The following CALCR variants were observed in gnomAD, a reference collection of about 807,000 sequenced individuals.
CALCR encodes the protein calcitonin receptor.
A neutral mutation model predicts 59.5 loss-of-function variants in CALCR; 47 were observed. The observed-to-expected ratio is 0.79, with a 90% CI of 0.63 to 1.01. CALCR has a LOEUF of 1.01. CALCR is among the 50% of genes least tolerant of loss of function. The probability of loss-of-function intolerance (pLI) is 0.00; values close to 1 mark genes in which losing one functional copy is unlikely to be tolerated. For synonymous variants in CALCR, 213 were observed against 211.3 expected, an observed-to-expected ratio of 1.01 and a Z score of -0.07; for missense variants, 566 against 597.1, an observed-to-expected ratio of 0.95 and a Z score of 0.54.
intron 12 of CALCR, among the ~76,000 whole-genome samples, chr7:93,435,138 C>T (rs2115686380): frequency 6.6e-6 from 1 of 152,156 alleles, no homozygotes; most frequent in East Asian, 1.9e-4. Context: ...ACTGGACAGC[C>T]CAGGACAGCC....
At chr7:93,534,160 C>A (rs1313577673) in intron 2 of CALCR, among the ~76,000 whole-genome samples, 5 of 151,802 alleles carry the variant, frequency 3.3e-5, no homozygotes, top group Non-Finnish European at 7.4e-5. Context: ...GATTTACTAT[C>A]CGTGTATCAA....
At chr7:93,558,196 T>C (rs1291167452) in intron 2 of CALCR, among the ~76,000 whole-genome samples, 1 of 151,138 alleles carries the variant, frequency 6.6e-6, no homozygotes, top group Non-Finnish European at 1.5e-5. Flanking sequence ...CAGAAAACAA[T>C]ATAAAACAAA....
At chr7:93,471,079 C>A (rs1301081245) in intron 6 of CALCR, among the ~76,000 whole-genome samples, 2 of 151,702 alleles carry the variant, frequency 1.3e-5, no homozygotes, top group African/African-American at 2.4e-5. Flanking sequence ...GCATTTTAAT[C>A]ATTATACTAA....
intron 3 of CALCR, among the ~76,000 whole-genome samples, chr7:93,483,446 TAGATAGATAGACAGAC>T (rs1335369679): frequency 2.1e-5 from 3 of 144,132 alleles, no homozygotes; most frequent in East Asian, 2.1e-4. Context: ...GATAGATAGA[TAGATAGATAGACAGAC>T]AGATAGATAG....
intron 2 of CALCR, among the ~76,000 whole-genome samples, chr7:93,552,165 G>A (rs1275056007): frequency 6.6e-6 from 1 of 152,098 alleles, no homozygotes; most frequent in Non-Finnish European, 1.5e-5. Context: ...CTTGGGCATT[G>A]TTCATTAGCC....
chr7:93,425,264 A>C lies in CALCR; in HGVS notation c.*1092T>G, dbSNP rs1242625823. The C allele has an allele frequency of 6.6e-6, 1 of 152,624 alleles. No homozygotes were observed. The highest frequency in any genetic ancestry group is 2.4e-5 in the African/African-American group (1 of 41,456). 9.5% of individuals were successfully genotyped at this position (152,624 alleles called of 1,614,324 possible). Reference sequence around the variant, plus strand: ...CCCCTCCTGTTTTGGTAATAACAAGAAACAAGCGGTCAACCACAAGTTGAT... The same window carrying C: ...CCCCTCCTGTTTTGGTAATAACAAGCAACAAGCGGTCAACCACAAGTTGAT... On this transcript the variant is annotated 3_prime_UTR_variant, in exon 14 of 14. Transcript: ENST00000426151.
At chr7:93,437,868 T>C (rs1799813202) in intron 11 of CALCR, among the ~76,000 whole-genome samples, 192 bp downstream of exon 11, 1 of 152,308 alleles carries the variant, frequency 6.6e-6, no homozygotes, top group South Asian at 2.1e-4. Flanking sequence ...GAGCTCATGA[T>C]AACCCCTCCA....
Position 93,520,928 on chromosome 7 carries a change from C to G in CALCR, c.-26-33921G>C, listed in dbSNP as rs555905730. On this transcript the variant is annotated intron_variant, in intron 2 of 13. Transcript: ENST00000426151. ...TGTTGGAGACCATTAGCAACAAATA[C>G]ATGCAATTCGAGAAAGGTCACCATG... 5.3e-5 allele frequency among the ~76,000 whole-genome samples: 8 copies of G among 152,174 alleles called. No individual in the cohort carries two copies. The East Asian group carries it at 1.4e-3, about 26-fold the overall frequency.
chr7:93,449,376 G>A (rs1401643313), intron 8 of CALCR, among the ~76,000 whole-genome samples: 1 of 151,912 alleles, frequency 6.6e-6, no homozygotes, highest in African/African-American at 2.4e-5. Flanking sequence ...GGTCTATGTT[G>A]GTTAAATTGG....
chr7:93,457,518 GAA>G (rs1327080138), intron 8 of CALCR, among the ~76,000 whole-genome samples: 1 of 152,086 alleles, frequency 6.6e-6, no homozygotes, highest in African/African-American at 2.4e-5. Flanking sequence ...AAAAAGAAGA[GAA>G]AGAGTCTATT....
In CALCR at chr7:93,451,854, A is replaced by T. The variant is rs531976509; in HGVS notation, c.649-8097T>A. On this transcript the variant is annotated intron_variant, in intron 8 of 13. Transcript: ENST00000426151. Reference sequence around the variant, plus strand: ...CCATGCAGACATAAGAAAGAATGAGATCATATCCTTTGCAGCAACATAAAT... The same window carrying T: ...CCATGCAGACATAAGAAAGAATGAGTTCATATCCTTTGCAGCAACATAAAT... Among the ~76,000 whole-genome samples, 3 of 152,166 alleles carry T rather than the reference A, an allele frequency of 2.0e-5. No homozygotes were observed. The South Asian group carries it at 6.2e-4, about 32-fold the overall frequency.
intron 2 of CALCR, among the ~76,000 whole-genome samples, chr7:93,540,332 C>A (rs1201443636): frequency 6.6e-6 from 1 of 152,082 alleles, no homozygotes; most frequent in Admixed American, 6.6e-5. Flanking sequence ...TACAGTCACT[C>A]TGTTTTTGGT....
Position 93,496,307 on chromosome 7 carries a change from G to A in CALCR, c.-26-9300C>T, listed in dbSNP as rs186430695. 1.2e-4 allele frequency among the ~76,000 whole-genome samples: 18 copies of A among 151,422 alleles called. No homozygotes were observed. In the East Asian group the frequency reaches 3.1e-3, roughly 26 times the overall value. On this transcript the variant is annotated intron_variant, in intron 2 of 13. Coordinates refer to ENST00000426151, the MANE Select transcript of CALCR (RefSeq NM_001742.4). ...TTTAAAGACTCTAATTTTTCTGTAC[G>A]AAAAAGACCCCTTTGATGTTAACTC...
intron 2 of CALCR, among the ~76,000 whole-genome samples, chr7:93,493,257 T>C: frequency 6.6e-6 from 1 of 151,394 alleles, no homozygotes; most frequent in East Asian, 1.9e-4. Context: ...TCTGATTTTT[T>C]ACAACTATAT....
chr7:93,436,597 T>A (rs1799784082), intron 11 of CALCR, among the ~76,000 whole-genome samples: 2 of 152,142 alleles, frequency 1.3e-5, no homozygotes, highest in Admixed American at 1.3e-4. Context: ...AAGTTTTGTC[T>A]TTTCAGTCTT....
chr7:93,517,994 G>T (rs1801682909), intron 2 of CALCR, among the ~76,000 whole-genome samples: 1 of 151,746 alleles, frequency 6.6e-6, no homozygotes, highest in African/African-American at 2.4e-5. Context: ...GGAAAAAATG[G>T]GTTCCTTCTT....
chr7:93,520,895 T>C (rs1278745272), intron 2 of CALCR, among the ~76,000 whole-genome samples: 1 of 152,112 alleles, frequency 6.6e-6, no homozygotes, highest in Admixed American at 6.6e-5. Flanking sequence ...TAGGGCCACT[T>C]TAAATGGTGT....
chr7:93,454,994 A>G (rs1562980279), intron 8 of CALCR, among the ~76,000 whole-genome samples: 1 of 151,120 alleles, frequency 6.6e-6, no homozygotes, highest in Admixed American at 6.6e-5. Context: ...CCAAAGAAAA[A>G]CCTTATAGAA....
chr7:93,514,782 T>C (rs1038162566), intron 2 of CALCR, among the ~76,000 whole-genome samples: 10 of 152,162 alleles, frequency 6.6e-5, no homozygotes, highest in South Asian at 2.1e-4. Flanking sequence ...ATGCAACCAA[T>C]TGACGAATAG....
Sources: gnomAD v4.1 joint callset for allele counts (sites outside exome capture counted in the v4.1 genomes callset) on GRCh38, gnomAD v4.1.1 for gene constraint, MANE v1.5 for transcripts, NCBI Gene and HGNC (gene_info 2026-07-23, HGNC 2026-07-21) for gene names.